Variants in PAK1 observed in about 807,000 individuals in gnomAD.
PAK1 encodes the protein serine/threonine-protein kinase PAK 1.
PAK1 carries 29 observed loss-of-function variants against 67.4 expected under a neutral mutation model. The observed-to-expected ratio is 0.43, with a 90% CI of 0.32 to 0.59. The LOEUF (loss-of-function observed/expected upper bound fraction) is 0.59, where lower values mean the gene tolerates loss of function less well. Among genes scored for constraint, PAK1 ranks in the 20% least tolerant of loss-of-function variants. The pLI, the probability that PAK1 is intolerant of heterozygous loss-of-function variation, is 0.07. For missense variants in PAK1, 337 were observed against 670.7 expected (o/e 0.50, Z 5.50); for synonymous variants, 223 against 237.4 (o/e 0.94, Z 0.56).
At chr11:77,343,056 G>A (rs1294684575) in intron 10 of PAK1, among the ~76,000 whole-genome samples, 1 of 151,482 alleles carries the variant, frequency 6.6e-6, no homozygotes, top group African/African-American at 2.4e-5. Flanking sequence ...TGTAAAATAT[G>A]GATAAAAAAA....
At chr11:77,389,407 A>C (rs536956172) in intron 2 of PAK1, among the ~76,000 whole-genome samples, 78 of 152,188 alleles carry the variant, frequency 5.1e-4, no homozygotes, top group Middle Eastern at 3.4e-3. Context: ...ACTGCTGGTA[A>C]CTCTATGTTT....
At chr11:77,331,683 C>T (rs898299964) in intron 14 of PAK1, among the ~76,000 whole-genome samples, 2 of 151,696 alleles carry the variant, frequency 1.3e-5, no homozygotes, top group African/African-American at 4.8e-5. Context: ...ATACCTAATG[C>T]TAAATGACGA....
intron 1 of PAK1, among the ~76,000 whole-genome samples, chr11:77,396,412 T>C (rs1951837596): frequency 6.6e-6 from 1 of 152,214 alleles, no homozygotes; most frequent in East Asian, 1.9e-4. Context: ...GTTTACACAT[T>C]TGCTTTCCCT....
At chr11:77,408,532 TACACACACACACACACAC>T (rs377689850) in intron 1 of PAK1, among the ~76,000 whole-genome samples, 1 of 137,846 alleles carries the variant, frequency 7.3e-6, no homozygotes, top group African/African-American at 2.6e-5. Flanking sequence ...TATGGAGAAA[TACACACACACACACACAC>T]ACACACACAC....
the PAK1 span, among the ~76,000 whole-genome samples, chr11:77,484,645 G>A: frequency 3.0e-3 from 457 of 152,276 alleles, 3 homozygotes; most frequent in African/African-American, 9.9e-3. Flanking sequence ...ATGGAGACTG[G>A]GTTTTCCTGC....
intron 1 of PAK1, among the ~76,000 whole-genome samples, chr11:77,399,955 T>C (rs1392360406): frequency 6.6e-6 from 1 of 150,704 alleles, no homozygotes. Context: ...AAAGTTAGTA[T>C]ATGAAAATGT....
At chr11:77,483,434 C>T in the PAK1 span, among the ~76,000 whole-genome samples, 1 of 152,148 alleles carries the variant, frequency 6.6e-6, no homozygotes, top group African/African-American at 2.4e-5. Flanking sequence ...TATCAACAGA[C>T]ATTTATCAAA....
In PAK1 at chr11:77,430,215, GA is replaced by G. The variant is rs532592760; in HGVS notation, c.-21-37675del. ...TAGTGATTAAATATTGGGGGTTATA[GA>G]AAAAAAAAAGAAGATAACAAATCTT... is the stretch of plus-strand genomic sequence containing the variant. On this transcript the variant is annotated intron_variant, in intron 1 of 14. Coordinates refer to ENST00000356341, the MANE Select transcript of PAK1 (RefSeq NM_002576.5). Among the ~76,000 whole-genome samples, 371 of 147,324 alleles carry G rather than the reference GA, an allele frequency of 2.5e-3. 1 individual carries two copies. Among genetic ancestry groups the G allele is most frequent in the Non-Finnish European group, 3.0e-3 (202 of 66,480 alleles).
the PAK1 span, among the ~76,000 whole-genome samples, chr11:77,502,673 C>T: frequency 6.6e-6 from 1 of 152,178 alleles, no homozygotes; most frequent in African/African-American, 2.4e-5. Flanking sequence ...TTCCTGTTCC[C>T]TCTGAGTGCC....
chr11:77,476,415 A>G (rs1366005604), upstream of PAK1: 2 of 152,214 alleles, frequency 1.3e-5, no homozygotes, highest in Non-Finnish European at 2.9e-5. Context: ...TAGGCAGAAT[A>G]ATGGCTCATC....
At chr11:77,492,709 A>C in the PAK1 span, among the ~76,000 whole-genome samples, 1 of 151,962 alleles carries the variant, frequency 6.6e-6, no homozygotes, top group South Asian at 2.1e-4. Context: ...TGTAATTCCC[A>C]GTGTTGGAGG....
At chr11:77,427,906 C>G (rs1211618777) in intron 1 of PAK1, among the ~76,000 whole-genome samples, 1 of 152,136 alleles carries the variant, frequency 6.6e-6, no homozygotes, top group Admixed American at 6.5e-5. Context: ...GGGATTTTAT[C>G]AGACAGTGAA....
At chr11:77,374,406 T>TA (rs1565631787) in intron 4 of PAK1, 41 bp from the exon 5 acceptor site, 2 of 1,428,304 alleles carry the variant, frequency 1.4e-6, no homozygotes, top group South Asian at 1.2e-5. Flanking sequence ...CAATAACAGT[T>TA]ACAGTTAAAT....
At chr11:77,358,741 G>C (rs1280919876) in intron 6 of PAK1, 157 bp downstream of exon 6, 1 of 725,080 alleles carries the variant, frequency 1.4e-6, no homozygotes, top group Non-Finnish European at 2.4e-6. Flanking sequence ...TAATCATACA[G>C]AAAGTACCTT....
chr11:77,355,163 G>A (rs926406861), intron 7 of PAK1, among the ~76,000 whole-genome samples: 4 of 151,998 alleles, frequency 2.6e-5, no homozygotes, highest in African/African-American at 4.8e-5. Context: ...GGGTTAATAA[G>A]AGAATTAAAT....
chr11:77,363,952 C>A (rs1947145481), intron 5 of PAK1, among the ~76,000 whole-genome samples: 3 of 152,236 alleles, frequency 2.0e-5, no homozygotes, highest in Admixed American at 2.0e-4. Context: ...CAGGGCAGAC[C>A]AGGGTATAAC....
At chr11:77,359,603 C>A (rs1011210597) in intron 5 of PAK1, among the ~76,000 whole-genome samples, 2 of 152,058 alleles carry the variant, frequency 1.3e-5, no homozygotes, top group African/African-American at 4.8e-5. Context: ...CTAAAGAGAA[C>A]AATGAATTTC....
At chr11:77,435,453 G>A (rs1049774500) in intron 1 of PAK1, among the ~76,000 whole-genome samples, 2 of 151,682 alleles carry the variant, frequency 1.3e-5, no homozygotes, top group Non-Finnish European at 2.9e-5. Context: ...AGACATGGAA[G>A]TGCCTTGCAT....
intron 5 of PAK1, among the ~76,000 whole-genome samples, chr11:77,364,382 G>A (rs1295957633): frequency 6.6e-6 from 1 of 152,140 alleles, no homozygotes; most frequent in African/African-American, 2.4e-5. Context: ...ATTCAGCTAA[G>A]CAAACATAGA....
Sources: allele counts gnomAD v4.1 joint callset (sites outside exome capture counted in the v4.1 genomes callset), GRCh38; gene constraint gnomAD v4.1.1; transcripts MANE v1.5; gene names NCBI Gene and HGNC (gene_info 2026-07-23, HGNC 2026-07-21).